The following CHTF18 variants were observed in gnomAD, a reference collection of about 807,000 sequenced individuals.
CHTF18 encodes chromosome transmission fidelity protein 18 homolog.
CHTF18 carries 151 observed loss-of-function variants against 113.4 expected under a neutral mutation model. The observed-to-expected ratio is 1.33, with a 90% CI of 1.17 to 1.52. The LOEUF is 1.52. Ranked by LOEUF, CHTF18 falls within the 40% of genes most tolerant of loss-of-function variation. The pLI is 0.00. For missense variants in CHTF18, 1,982 were observed against 1,381.6 expected (o/e 1.43, Z -6.89); for synonymous variants, 916 against 598.8 (o/e 1.53, Z -7.74).
chr16:798,064 A>T lies in CHTF18; in HGVS notation c.*89A>T. The T allele has an allele frequency of 6.7e-7, 1 of 1,501,582 alleles. No homozygotes were observed. The highest frequency in any genetic ancestry group is 9.0e-7 in the Non-Finnish European group (1 of 1,116,030). 93.0% of individuals were successfully genotyped at this position (1,501,582 alleles called of 1,614,324 possible). A position where few individuals can be genotyped will look rare whatever the true frequency, so the allele number is the denominator to read the frequency against. ...GATGTCTTTATAAAGTCACACCTTT[A>T]CAGACTGTAATCACGTGCGAGTGGA... On this transcript the variant is annotated 3_prime_UTR_variant, in exon 22 of 22. Transcript: ENST00000262315.
intron 8 of CHTF18, 162 bp downstream of exon 8, chr16:791,532 T>C: frequency 2.1e-6 from 3 of 1,435,528 alleles, no homozygotes; most frequent in Non-Finnish European, 1.8e-6. Flanking sequence ...AGCGTTGCAG[T>C]AACAACTCGG....
rs945651283 is a variant in CHTF18, at chr16:794,210, C to T, written c.1950+9C>T. Reference sequence around the variant, plus strand: ...ACGAGAAGGTGGTCCAGGTACCTGTCTTCCACCAAAATGCCTGCCTGGGGC... The same window carrying T: ...ACGAGAAGGTGGTCCAGGTACCTGTTTTCCACCAAAATGCCTGCCTGGGGC... On this transcript the variant is annotated intron_variant, in intron 15 of 21. Transcript: ENST00000262315. 6.8e-6 allele frequency: 11 copies of T among 1,608,076 alleles called. No homozygotes were observed. The highest frequency in any genetic ancestry group is 1.7e-5 in the Admixed American group (1 of 59,862).
At chr16:791,461 C>T in intron 8 of CHTF18, 91 bp downstream of exon 8, 1 of 1,472,230 alleles carries the variant, frequency 6.8e-7, no homozygotes, top group Non-Finnish European at 9.0e-7. Context: ...TCTCCAGGAG[C>T]CGTGGGTGTG....
chr16:793,954 G>A, intron 14 of CHTF18, 100 bp from the exon 15 acceptor site: 1 of 1,349,650 alleles, frequency 7.4e-7, no homozygotes, highest in South Asian at 1.3e-5. Context: ...GAATGAAGTG[G>A]GTGGCAGCTC....
Position 789,554 on chromosome 16 carries a change from G to A in CHTF18, c.445G>A (p.Glu149Lys). The stretch of plus-strand genomic sequence containing the variant: ...GCCCCGGTCTCTCTCCAGAGTCTCA[G>A]AAGCTGCTGCCGACGTGGGTCTCAC... ...LAELWGHGVS[E>K]AAADVGLTRA... Residue 149 changes from glutamate to lysine, a missense_variant, in exon 4 of 22, where the codon GAA becomes AAA. Glu to Lys is a moderately conservative substitution (Grantham distance 56). Transcript: ENST00000262315. 1.4e-5 allele frequency: 22 copies of A among 1,601,308 alleles called. No individual in the cohort carries two copies. The highest frequency in any genetic ancestry group is 1.9e-5 in the Non-Finnish European group (22 of 1,174,802).
In CHTF18 at chr16:795,786, C is replaced by G. The variant is rs748346175; in HGVS notation, c.2277C>G (p.Leu759=). ...RSRATPQALL[L]DALCLLLDIL... is the part of the protein sequence containing the mutation. ...GGGCCACGCCCCAGGCCCTGCTCCT[C>G]GATGCCCTCTGCCTGCTCCTGGACA... The change falls in exon 17 of 22, where the codon CTC becomes CTG. Residue 759 remains leucine, a synonymous_variant. Coordinates refer to ENST00000262315, the MANE Select transcript of CHTF18 (RefSeq NM_022092.3). 10 of 1,609,802 alleles carry G rather than the reference C, an allele frequency of 6.2e-6. No homozygotes were observed. Among genetic ancestry groups the G allele is most frequent in the South Asian group, 4.4e-5 (4 of 90,652 alleles).
intron 6 of CHTF18, 30 bp from the exon 7 acceptor site, chr16:790,495 G>A (rs2042165824): frequency 6.2e-7 from 1 of 1,605,868 alleles, no homozygotes; most frequent in African/African-American, 1.3e-5. Flanking sequence ...CCTGCGAGTT[G>A]TTTGTGGCTC....
intron 14 of CHTF18, chr16:793,699 C>A (rs946522327): frequency 1.3e-5 from 8 of 620,494 alleles, no homozygotes; most frequent in Admixed American, 2.2e-5. Context: ...CATGGGACCC[C>A]AGGGGATGCT....
In CHTF18 at chr16:797,051, C is replaced by T. The variant is rs771063306; in HGVS notation, c.2692C>T (p.Arg898Trp). The change falls in exon 20 of 22, where the codon CGG becomes TGG. Residue 898 changes from arginine (R) to tryptophan (W), a missense_variant. By Grantham distance (101) the Arg-to-Trp change is moderately radical. Coordinates refer to ENST00000262315, the MANE Select transcript of CHTF18 (RefSeq NM_022092.3). The part of the protein sequence containing the change: ...HRPAPRNHEQ[R>W]LEHIMRRAAR... ...ACCTGCCCCACGCAACCATGAGCAG[C>T]GGCTGGAGCACATCATGAGGCGAGC... is the stretch of plus-strand genomic sequence containing the variant. 44 of 1,555,482 alleles carry T rather than the reference C, an allele frequency of 2.8e-5. No homozygotes were observed. The highest frequency in any genetic ancestry group is 2.1e-4 in the African/African-American group (15 of 72,934).
Position 791,851 on chromosome 16 carries a change from G to A in CHTF18, c.1105G>A (p.Val369Met), listed in dbSNP as rs757523922. The A allele has an allele frequency of 2.1e-5, 34 of 1,603,026 alleles. No homozygotes were observed. Among genetic ancestry groups the A allele is most frequent in the Non-Finnish European group, 2.8e-5 (33 of 1,175,906 alleles). Residue 369 changes from valine to methionine, a missense_variant and splice_region_variant, in exon 9 of 22, where the codon GTG becomes ATG. Coordinates refer to ENST00000262315, the MANE Select transcript of CHTF18 (RefSeq NM_022092.3). ...LDPSQRPKQK[V>M]ALLCGPPGLG... is the part of the protein sequence containing the mutation. ...ACGCCTTCATCTACCTGGGCTGCAG[G>A]TGGCACTGCTCTGTGGGCCCCCGGG... is the stretch of plus-strand genomic sequence containing the variant.
rs1284526381 is a variant in CHTF18 at position 788,916 on chromosome 16, C to T, written c.92-15C>T. The T allele has an allele frequency of 1.4e-5, 21 of 1,528,800 alleles. No individual in the cohort carries two copies. Among genetic ancestry groups the T allele is most frequent in the Non-Finnish European group, 1.8e-5 (21 of 1,148,112 alleles). The allele number at this position is 1,528,800 out of a possible 1,614,324, so 94.7% of individuals were successfully genotyped here. A position where few individuals can be genotyped will look rare whatever the true frequency, so the allele number is the denominator to read the frequency against. Reference sequence around the variant, plus strand: ...CTGTCTCGGGGCGGCCGCTGACAATCTCCTCTCCCAGCAGGGGCGTCGACT... The same window carrying T: ...CTGTCTCGGGGCGGCCGCTGACAATTTCCTCTCCCAGCAGGGGCGTCGACT... On this transcript the variant is annotated splice_polypyrimidine_tract_variant and intron_variant, in intron 1 of 21. Transcript: ENST00000262315.
chr16:795,692 A>ACCGGATGAG lies in CHTF18; in HGVS notation c.2186_2194dup (p.Arg729_Ser731dup). 6.3e-7 allele frequency: 1 copy of ACCGGATGAG among 1,595,742 alleles called. No homozygotes were observed. Among genetic ancestry groups the ACCGGATGAG allele is most frequent in the South Asian group, 1.1e-5 (1 of 89,984 alleles). On this transcript the variant is annotated inframe_insertion, in exon 17 of 22. Transcript: ENST00000262315. ...GCTCACCCCCTGCCCCAGGCCCAGAACCGGATGAGCCAGATGAGGAACCTG... is the reference window on the plus strand; with the variant it reads ...GCTCACCCCCTGCCCCAGGCCCAGAACCGGATGAGCCGGATGAGCCAGATGAGGAACCTG...
chr16:792,280 A>G lies in CHTF18; in HGVS notation c.1259A>G (p.Glu420Gly). The G allele has an allele frequency of 6.4e-7, 1 of 1,559,804 alleles. No homozygotes were observed. The highest frequency in any genetic ancestry group is 8.7e-7 in the Non-Finnish European group (1 of 1,152,808). Residue 420 changes from glutamate to glycine, a missense_variant, in exon 10 of 22, where the codon GAG (glutamate) becomes GGG (glycine). By Grantham distance (98) the Glu-to-Gly change is moderately conservative. Coordinates refer to ENST00000262315, the MANE Select transcript of CHTF18 (RefSeq NM_022092.3). ...RTRIEAATQM[E>G]SVLGAGGKPN... ...CGCATCGAGGCGGCCACCCAGATGGAGTCGGTGCTGGGTGCTGGCGGGAAG... is the reference window on the plus strand; with the variant it reads ...CGCATCGAGGCGGCCACCCAGATGGGGTCGGTGCTGGGTGCTGGCGGGAAG...
At chr16:790,931 T>C in intron 7 of CHTF18, 5 of 1,432,928 alleles carry the variant, frequency 3.5e-6, no homozygotes, top group Non-Finnish European at 4.6e-6. Context: ...CAGCTGACAC[T>C]GGAGTGCCCC....
chr16:796,067 AG>A lies in CHTF18; in HGVS notation c.2448del (p.Arg816SerfsTer47), dbSNP rs771151630. On this transcript the variant is annotated frameshift_variant, in exon 18 of 22. Coordinates refer to ENST00000262315, the MANE Select transcript of CHTF18 (RefSeq NM_022092.3). LOFTEE classifies it high-confidence loss of function. ...ERTPDGQYIYRLEPNVEELCR... is the reference protein window; with the variant it reads ...ERTPDGQYIYXLEPNVEELCR... ...CACGCCCGATGGCCAGTACATCTAC[AG>A]GCTGGAGCCGTGAGTCCCCCAGTGC... is the stretch of plus-strand genomic sequence containing the variant. The A allele has an allele frequency of 6.2e-7, 1 of 1,602,790 alleles. No homozygotes were observed. Among genetic ancestry groups the A allele is most frequent in the Non-Finnish European group, 8.5e-7 (1 of 1,175,758 alleles).
At chr16:789,859 G>A in intron 4 of CHTF18, 144 bp downstream of exon 4, 19 of 1,330,904 alleles carry the variant, frequency 1.4e-5, no homozygotes, top group Non-Finnish European at 1.6e-5. Context: ...GCGTCATGGG[G>A]CGTAGACTTA....
At chr16:790,871 T>C (rs1231504733) in intron 7 of CHTF18, 2 of 1,430,806 alleles carry the variant, frequency 1.4e-6, no homozygotes, top group African/African-American at 2.9e-5. Flanking sequence ...AGGCTAGGGG[T>C]CCAGGGTGTC....
rs1397339090 is a variant in CHTF18, at chr16:795,177, C to T, written c.1996C>T (p.Leu666=). 6 of 1,558,030 alleles carry T rather than the reference C, an allele frequency of 3.9e-6. No homozygotes were observed. In the South Asian group the frequency reaches 5.9e-5, roughly 15 times the overall value. ...FLRLRLRDSS[L]GAVCVALDWL... ...GCGTCTGCGGCTGCGAGACTCCAGCCTGGGTGCTGTGTGTGTGGCCCTCGA... is the reference window on the plus strand; with the variant it reads ...GCGTCTGCGGCTGCGAGACTCCAGCTTGGGTGCTGTGTGTGTGGCCCTCGA... The change falls in exon 16 of 22, where the codon CTG becomes TTG. Residue 666 remains leucine (L), a synonymous_variant. Coordinates refer to ENST00000262315, the MANE Select transcript of CHTF18 (RefSeq NM_022092.3).
At chr16:791,762 G>C (rs975800710) in intron 8 of CHTF18, 89 bp from the exon 9 acceptor site, 10 of 1,503,534 alleles carry the variant, frequency 6.7e-6, no homozygotes, top group Non-Finnish European at 8.0e-6. Flanking sequence ...CGCCCAGCCT[G>C]TGGGACACAT....
Sources: gnomAD v4.1 joint callset for allele counts on GRCh38, gnomAD v4.1.1 for gene constraint, MANE v1.5 for transcripts, NCBI Gene and HGNC (gene_info 2026-07-23, HGNC 2026-07-21) for gene names.